Variants in GPC5 observed in about 807,000 individuals in gnomAD.
The protein encoded by GPC5 is glypican-5.
Under a neutral mutation model 53.9 loss-of-function variants are expected in GPC5, and 47 were observed. That is an observed-to-expected ratio of 0.87 (90% CI 0.69 to 1.11). The LOEUF is 1.11. Among genes scored for constraint, GPC5 ranks in the 50% most tolerant of loss-of-function variants. The pLI is 0.00. For synonymous variants in GPC5, 286 were observed against 263.3 expected (o/e 1.09, Z -0.84); for missense variants, 748 against 713.1 (o/e 1.05, Z -0.56).
At chr13:91,529,013 C>T (rs1329685158) in intron 2 of GPC5, among the ~76,000 whole-genome samples, 2 of 152,126 alleles carry the variant, frequency 1.3e-5, no homozygotes, top group Non-Finnish European at 2.9e-5. Context: ...AGTGGGGACA[C>T]AAAGCCAAAT....
intron 7 of GPC5, among the ~76,000 whole-genome samples, chr13:92,669,255 C>A (rs775866985): frequency 3.3e-5 from 5 of 152,050 alleles, no homozygotes; most frequent in African/African-American, 7.2e-5. Context: ...CCTTAAAGAT[C>A]TAATTTATGG....
intron 7 of GPC5, among the ~76,000 whole-genome samples, chr13:92,410,438 C>A (rs1350436591): frequency 6.6e-6 from 1 of 152,162 alleles, no homozygotes; most frequent in Non-Finnish European, 1.5e-5. Flanking sequence ...GTATTTTTAT[C>A]CTGTTCACTC....
Position 92,190,476 on chromosome 13 carries a change from ATAG to A in GPC5, c.1561+45491_1561+45493del, listed in dbSNP as rs904849349. On this transcript the variant is annotated intron_variant, in intron 7 of 7. Coordinates refer to ENST00000377067, the MANE Select transcript of GPC5 (RefSeq NM_004466.6). ...AGTAATACATAATTTCTTCACTATAATAGTAGCAACAATATTTTGGATTCCATA... is the reference window on the plus strand; with the variant it reads ...AGTAATACATAATTTCTTCACTATAATAGCAACAATATTTTGGATTCCATA... Among the ~76,000 whole-genome samples, 16 of 152,314 alleles carry A rather than the reference ATAG, an allele frequency of 1.1e-4. No homozygotes were observed. In the East Asian group the frequency reaches 1.5e-3, roughly 15 times the overall value.
chr13:92,681,537 C>T (rs1176163605), intron 7 of GPC5, among the ~76,000 whole-genome samples: 1 of 152,116 alleles, frequency 6.6e-6, no homozygotes, highest in Non-Finnish European at 1.5e-5. Flanking sequence ...GGCTGTGGTT[C>T]TGAAAAGCAA....
chr13:91,826,863 A>G (rs982684384), intron 5 of GPC5, among the ~76,000 whole-genome samples: 3 of 152,084 alleles, frequency 2.0e-5, no homozygotes, highest in African/African-American at 7.2e-5. Context: ...AAATCAATTC[A>G]TGATGGATCA....
chr13:92,467,085 T>C (rs1878721631), intron 7 of GPC5, among the ~76,000 whole-genome samples: 1 of 152,120 alleles, frequency 6.6e-6, no homozygotes, highest in Non-Finnish European at 1.5e-5. Context: ...TTTCCATCTG[T>C]CAATAATGCT....
At chr13:91,584,733 C>G (rs931089166) in intron 2 of GPC5, among the ~76,000 whole-genome samples, 1 of 152,078 alleles carries the variant, frequency 6.6e-6, no homozygotes, top group Non-Finnish European at 1.5e-5. Flanking sequence ...GTGCCCACCA[C>G]CATGCCCAGC....
chr13:91,660,540 C>T (rs2034963658), intron 2 of GPC5, among the ~76,000 whole-genome samples: 1 of 152,192 alleles, frequency 6.6e-6, no homozygotes, highest in African/African-American at 2.4e-5. Flanking sequence ...CTGTAAGTTA[C>T]TGTCTGATTT....
At chr13:91,841,903 T>C (rs1284417715) in intron 5 of GPC5, among the ~76,000 whole-genome samples, 1 of 152,176 alleles carries the variant, frequency 6.6e-6, no homozygotes, top group Non-Finnish European at 1.5e-5. Flanking sequence ...TTTAGTCAAC[T>C]GGACTTAGTA....
At chr13:91,794,019 T>C (rs1594569841) in intron 5 of GPC5, among the ~76,000 whole-genome samples, 1 of 152,206 alleles carries the variant, frequency 6.6e-6, no homozygotes, top group East Asian at 1.9e-4. Context: ...CATTTGGGTC[T>C]GGTACCTTGA....
intron 6 of GPC5, among the ~76,000 whole-genome samples, chr13:92,097,859 G>A (rs1447651315): frequency 1.3e-5 from 2 of 152,178 alleles, no homozygotes; most frequent in Non-Finnish European, 2.9e-5. Flanking sequence ...TGAGCCCAGA[G>A]GGACTAGACT....
chr13:92,085,901 T>C (rs1259201928), intron 6 of GPC5, among the ~76,000 whole-genome samples: 1 of 152,146 alleles, frequency 6.6e-6, no homozygotes, highest in Admixed American at 6.5e-5. Flanking sequence ...TAAATACAGA[T>C]GAAGCTTCGC....
chr13:91,686,762 CATCT>C (rs2035631207), intron 2 of GPC5, among the ~76,000 whole-genome samples: 1 of 151,942 alleles, frequency 6.6e-6, no homozygotes, highest in African/African-American at 2.4e-5. Context: ...CCTACCTATT[CATCT>C]ATCTGTATAA....
intron 2 of GPC5, among the ~76,000 whole-genome samples, chr13:91,631,361 C>A (rs2034153527): frequency 6.6e-6 from 1 of 152,002 alleles, no homozygotes; most frequent in South Asian, 2.1e-4. Context: ...TTTGTACTGG[C>A]AGGTATACAG....
At chr13:92,855,091 T>A (rs1878953485) in intron 7 of GPC5, among the ~76,000 whole-genome samples, 1 of 151,988 alleles carries the variant, frequency 6.6e-6, no homozygotes, top group Non-Finnish European at 1.5e-5. Context: ...TCTATTTTGT[T>A]TCTAACTTCA....
intron 7 of GPC5, among the ~76,000 whole-genome samples, chr13:92,792,661 C>T (rs1463054190): frequency 6.6e-6 from 1 of 152,148 alleles, no homozygotes; most frequent in East Asian, 1.9e-4. Flanking sequence ...TGCAGACACA[C>T]ATAGACTCAA....
At chr13:92,755,243 G>A (rs1300762246) in intron 7 of GPC5, among the ~76,000 whole-genome samples, 3 of 140,132 alleles carry the variant, frequency 2.1e-5, no homozygotes, top group East Asian at 4.5e-4. Context: ...GGTACATAAC[G>A]AAATGAAGGC....
chr13:92,716,893 C>CTAT (rs1228084801), intron 7 of GPC5, among the ~76,000 whole-genome samples: 3 of 152,128 alleles, frequency 2.0e-5, no homozygotes, highest in African/African-American at 7.2e-5. Flanking sequence ...TTAAAATATA[C>CTAT]TATTTTATTT....
At chr13:92,637,068 C>T (rs1159564277) in intron 7 of GPC5, among the ~76,000 whole-genome samples, 2 of 152,134 alleles carry the variant, frequency 1.3e-5, no homozygotes, top group African/African-American at 4.8e-5. Flanking sequence ...CACCTCCCCA[C>T]TCTCACTGTA....
Sources: allele counts gnomAD v4.1 joint callset (sites outside exome capture counted in the v4.1 genomes callset), GRCh38; gene constraint gnomAD v4.1.1; transcripts MANE v1.5; gene names NCBI Gene and HGNC (gene_info 2026-07-23, HGNC 2026-07-21).